Variants in SDHB observed in about 807,000 individuals in gnomAD.
SDHB encodes succinate dehydrogenase complex iron sulfur subunit B.
Under a neutral mutation model 39.7 loss-of-function variants are expected in SDHB, and 21 were observed. The ratio of observed to expected loss-of-function variants is 0.53; its 90% CI spans 0.37 to 0.76. The LOEUF (loss-of-function observed/expected upper bound fraction) is 0.76. SDHB is among the 30% of genes least tolerant of loss of function. The pLI is 0.00. For synonymous variants in SDHB, 118 were observed against 117.0 expected (o/e 1.01, Z -0.06); for missense variants, 343 against 350.9 (o/e 0.98, Z 0.18).
chr1:17,024,382 A>T (rs2077980831), intron 5 of SDHB, among the ~76,000 whole-genome samples: 1 of 152,188 alleles, frequency 6.6e-6, no homozygotes, highest in Non-Finnish European at 1.5e-5. Flanking sequence ...CAACTCCCAT[A>T]AATTCCAGCT....
chr1:17,042,352 T>G (rs2078085758), intron 2 of SDHB, among the ~76,000 whole-genome samples: 1 of 152,240 alleles, frequency 6.6e-6, no homozygotes, highest in Non-Finnish European at 1.5e-5. Flanking sequence ...CCTTCTCTAC[T>G]GTTCAGGCAG....
At chr1:17,021,562 T>C (rs1296846903) in intron 7 of SDHB, among the ~76,000 whole-genome samples, 3 of 152,044 alleles carry the variant, frequency 2.0e-5, no homozygotes, top group African/African-American at 7.2e-5. Flanking sequence ...CTGACCAACA[T>C]AGAGAAACCC....
chr1:17,040,656 G>C (rs1325247397), intron 2 of SDHB, among the ~76,000 whole-genome samples: 1 of 151,968 alleles, frequency 6.6e-6, no homozygotes, highest in African/African-American at 2.4e-5. Flanking sequence ...GTAGAGACAA[G>C]GTCTCACAGG....
rs201728852 is a variant in SDHB, at chr1:17,022,673, G to A, written c.700C>T (p.Leu234=). 121 of 1,614,030 alleles carry A rather than the reference G, an allele frequency of 7.5e-5. 1 individual carries two copies. The South Asian group carries it at 1.3e-3, about 17-fold the overall frequency. Residue 234 remains leucine (L), a synonymous_variant, in exon 7 of 8, where the codon CTG becomes TTG. Coordinates refer to ENST00000375499, the MANE Select transcript of SDHB (RefSeq NM_003000.3). ...DDFTEERLAK[L]QDPFSLYRCH... ...CGGTATAGAGAGAATGGGTCCTGCA[G>A]CTTGGCCAGGCGCTCCTCTGTGAAG... is the stretch of plus-strand genomic sequence containing the variant.
At chr1:17,024,193 A>G (rs1454762880) in intron 5 of SDHB, 119 bp from the exon 6 acceptor site, 2 of 727,552 alleles carry the variant, frequency 2.7e-6, no homozygotes, top group East Asian at 5.4e-5. Flanking sequence ...TTGCATGTGA[A>G]TTTTCTTAGC....
At chr1:17,046,428 G>T (rs572748102) in intron 1 of SDHB, among the ~76,000 whole-genome samples, 1 of 152,042 alleles carries the variant, frequency 6.6e-6, no homozygotes, top group East Asian at 1.9e-4. Context: ...TAATTTTAAG[G>T]GTATAATGAG....
intron 1 of SDHB, 147 bp from the exon 2 acceptor site, chr1:17,045,035 C>G: frequency 1.4e-6 from 1 of 728,598 alleles, no homozygotes; most frequent in Admixed American, 2.3e-5. Context: ...CATTCAATAT[C>G]CAACAAGTAT....
At chr1:17,019,035 TCC>T in intron 7 of SDHB, 77 bp from the exon 8 acceptor site, 1 of 1,122,340 alleles carries the variant, frequency 8.9e-7, no homozygotes, top group Non-Finnish European at 1.3e-6. Context: ...TGGGTGAAAC[TCC>T]TTCCTCAGCT....
Position 17,018,744 on chromosome 1 carries a change from G to T in SDHB, c.*137C>A. ...TTCTTTTTTTTTTGTTAATAAAGTA[G>T]AATAACATTTATTTCTTAAAATTTT... On this transcript the variant is annotated 3_prime_UTR_variant, in exon 8 of 8. Transcript: ENST00000375499. 1.5e-6 allele frequency: 1 copy of T among 668,964 alleles called. No homozygotes were observed. The highest frequency in any genetic ancestry group is 2.6e-6 in the Non-Finnish European group (1 of 381,314). 41.4% of individuals were successfully genotyped at this position (668,964 alleles called of 1,614,324 possible).
chr1:17,051,543 G>A (rs2078147107), intron 1 of SDHB, among the ~76,000 whole-genome samples: 1 of 152,184 alleles, frequency 6.6e-6, no homozygotes. Flanking sequence ...ACAAGGTGCA[G>A]GCTTGCTGAA....
chr1:17,036,952 C>T (rs1184311273), intron 2 of SDHB, among the ~76,000 whole-genome samples: 1 of 151,824 alleles, frequency 6.6e-6, no homozygotes, highest in Non-Finnish European at 1.5e-5. Context: ...GCCACCATGC[C>T]TAGCCTAGAA....
Position 17,043,873 on chromosome 1 carries a change from T to C in SDHB, c.200+888A>G, listed in dbSNP as rs532761218. On this transcript the variant is annotated intron_variant, in intron 2 of 7. Transcript: ENST00000375499. ...ACCACAAGGAACTGCATTCCACCAA[T>C]AGCGCAAATGAGCAAAAAATATTTT... 7.5e-4 allele frequency among the ~76,000 whole-genome samples: 114 copies of C among 152,310 alleles called. 1 individual carries two copies. Among genetic ancestry groups the C allele is most frequent in the African/African-American group, 2.6e-3 (108 of 41,562 alleles).
chr1:17,040,093 A>G (rs2078072502), intron 2 of SDHB, among the ~76,000 whole-genome samples: 1 of 152,184 alleles, frequency 6.6e-6, no homozygotes, highest in Admixed American at 6.5e-5. Context: ...TGAACGTGGA[A>G]TTCCAGGCTG....
intron 1 of SDHB, among the ~76,000 whole-genome samples, chr1:17,053,665 G>T (rs1165003219): frequency 2.0e-5 from 3 of 151,644 alleles, no homozygotes; most frequent in Non-Finnish European, 4.4e-5. Context: ...CGCTTGCCAT[G>T]TGACCTTGAG....
Position 17,033,226 on chromosome 1 carries a change from G to A in SDHB, c.201-81C>T, listed in dbSNP as rs574326980. 3.7e-6 allele frequency: 4 copies of A among 1,082,846 alleles called. No homozygotes were observed. In the African/African-American group the frequency reaches 4.7e-5, roughly 13 times the overall value. 67.1% of individuals were successfully genotyped at this position (1,082,846 alleles called of 1,614,324 possible). A position where few individuals can be genotyped will look rare whatever the true frequency, so the allele number is the denominator to read the frequency against. On this transcript the variant is annotated intron_variant, in intron 2 of 7. Transcript: ENST00000375499. ...TATCATAATATAATCGGAGACACCT[G>A]GATGTATTAGCTTATCCATTTGGTC...
In SDHB at chr1:17,042,780, A is replaced by AAAAAGGAAT. The variant is rs1170336708; in HGVS notation, c.200+1972_200+1980dup. Among the ~76,000 whole-genome samples the AAAAAGGAAT allele has an allele frequency of 1.7e-4, 26 of 151,894 alleles. 1 individual carries two copies. In the South Asian group the frequency reaches 5.4e-3, roughly 32 times the overall value. On this transcript the variant is annotated intron_variant, in intron 2 of 7. Transcript: ENST00000375499. ...GTGACAGCGAGACCCTGACTCAAAAAAAAAGGAATTTAACTCTTCCAGTTT... is the reference window on the plus strand; with the variant it reads ...GTGACAGCGAGACCCTGACTCAAAAAAAAAGGAATAAAAGGAATTTAACTCTTCCAGTTT...
rs397835910 is a variant in SDHB at position 17,049,647 on chromosome 1, C to CTTTTTTTTTTTTT, written c.72+4288_72+4300dup. 1.1e-3 allele frequency among the ~76,000 whole-genome samples: 55 copies of CTTTTTTTTTTTTT among 52,066 alleles called. 11 individuals are homozygous for CTTTTTTTTTTTTT. Among genetic ancestry groups the CTTTTTTTTTTTTT allele is most frequent in the African/African-American group, 2.8e-3 (29 of 10,178 alleles). 34.2% of individuals were successfully genotyped at this position (52,066 alleles called of 152,430 possible). ...GGGACTGGAGCATAATCCCCTAGTT[C>CTTTTTTTTTTTTT]TTTTTTTTTTTTTTTTTTTTTTTTT... On this transcript the variant is annotated intron_variant, in intron 1 of 7. Transcript: ENST00000375499.
chr1:17,032,230 G>A (rs927847646), intron 3 of SDHB, among the ~76,000 whole-genome samples: 2 of 144,282 alleles, frequency 1.4e-5, no homozygotes, highest in African/African-American at 2.6e-5. Flanking sequence ...AGACTGTCTC[G>A]CTCTATTGCC....
In SDHB at chr1:17,022,601, C is replaced by A; in HGVS notation, c.765+7G>T. On this transcript the variant is annotated splice_region_variant and intron_variant, in intron 7 of 7. Transcript: ENST00000375499. ...AGGCAGAGCTGAGGGTCACCAGCCC[C>A]ACGTACCTTAGGACAGGTCCTTGTG... is the stretch of plus-strand genomic sequence containing the variant. 6.2e-7 allele frequency: 1 copy of A among 1,613,734 alleles called. No homozygotes were observed. Among genetic ancestry groups the A allele is most frequent in the South Asian group, 1.1e-5 (1 of 91,058 alleles).
Sources: gnomAD v4.1 joint callset for allele counts (sites outside exome capture counted in the v4.1 genomes callset) on GRCh38, gnomAD v4.1.1 for gene constraint, MANE v1.5 for transcripts, NCBI Gene and HGNC (gene_info 2026-07-23, HGNC 2026-07-21) for gene names.